Variants in TCP11 observed in about 807,000 individuals in gnomAD.
The protein encoded by TCP11 is T-complex protein 11 homolog.
Under a neutral mutation model 45.0 loss-of-function variants are expected in TCP11, and 34 were observed. That is an observed-to-expected ratio of 0.76 (90% CI 0.57 to 1.01). TCP11 has a LOEUF of 1.01. Among genes scored for constraint, TCP11 ranks in the 50% least tolerant of loss-of-function variants. The probability of loss-of-function intolerance (pLI) is 0.00; values close to 1 mark genes in which losing one functional copy is unlikely to be tolerated. For missense variants in TCP11, 523 were observed against 598.1 expected (o/e 0.87, Z 1.31); for synonymous variants, 227 against 227.0 (o/e 1.00, Z 0.00).
intron 2 of TCP11, 73 bp from the exon 3 acceptor site, chr6:35,136,291 G>A (rs1017188284): frequency 3.5e-6 from 4 of 1,158,144 alleles, no homozygotes; most frequent in Admixed American, 4.2e-5. Context: ...CAATCTAGTA[G>A]GCCCCAAATT....
chr6:35,140,326 C>T (rs1781582249), intron 2 of TCP11: 1 of 857,368 alleles, frequency 1.2e-6, no homozygotes, highest in African/African-American at 1.7e-5. Flanking sequence ...AAAGAACACC[C>T]ACTACAGAAC....
intron 4 of TCP11, among the ~76,000 whole-genome samples, chr6:35,127,583 T>C (rs1006591000): frequency 1.3e-5 from 2 of 152,252 alleles, no homozygotes; most frequent in African/African-American, 4.8e-5. Flanking sequence ...ATTATATGTA[T>C]GTTTATTTAT....
At chr6:35,140,556 T>C (rs1484372327) in intron 2 of TCP11, 191 bp downstream of exon 2, 1 of 677,072 alleles carries the variant, frequency 1.5e-6, no homozygotes, top group East Asian at 2.9e-5. Flanking sequence ...GTCACTTCTT[T>C]CTCTAGAACC....
At position 35,141,199 on chromosome 6, in the gene TCP11, CG is replaced by C; in HGVS notation, c.-15+5del. On this transcript the variant is annotated splice_donor_5th_base_variant and intron_variant, in intron 1 of 9. Coordinates refer to ENST00000311875, the MANE Select transcript of TCP11 (RefSeq NM_001370687.1). Reference sequence around the variant, plus strand: ...CCAGGCCCGCCTCCGGCTCCCAGGCCGTCACCTCCTCCTCCCCCGCCGCGGG... The same window carrying C: ...CCAGGCCCGCCTCCGGCTCCCAGGCCTCACCTCCTCCTCCCCCGCCGCGGG... 7.1e-7 allele frequency: 1 copy of C among 1,403,570 alleles called. No individual in the cohort carries two copies. The highest frequency in any genetic ancestry group is 9.2e-7 in the Non-Finnish European group (1 of 1,081,288). 86.9% of individuals were successfully genotyped at this position (1,403,570 alleles called of 1,614,324 possible).
At chr6:35,139,060 T>G (rs1019394103) in intron 2 of TCP11, among the ~76,000 whole-genome samples, 1 of 151,992 alleles carries the variant, frequency 6.6e-6, no homozygotes, top group Non-Finnish European at 1.5e-5. Flanking sequence ...TGGTGGCACA[T>G]GCTTATAATC....
Position 35,118,494 on chromosome 6 carries a change from C to G in TCP11, c.1287G>C (p.Arg429=), listed in dbSNP as rs1458234762. Residue 429 remains arginine (R), a synonymous_variant, in exon 10 of 10, where the codon CGG becomes CGC. Transcript: ENST00000311875. ...AACAGCATTTGAGAAACAAATGGATCCGCTGATCTGTGAGCAGGAAAAGAC... is the reference window on the plus strand; with the variant it reads ...AACAGCATTTGAGAAACAAATGGATGCGCTGATCTGTGAGCAGGAAAAGAC... ...ENCVCSVIDQ[R]IHLFLKCCLV... 1.2e-6 allele frequency: 2 copies of G among 1,613,446 alleles called. No individual in the cohort carries two copies. The highest frequency in any genetic ancestry group is 4.5e-5 in the East Asian group (2 of 44,872).
At chr6:35,121,166 A>C in intron 5 of TCP11, 121 bp from the exon 6 acceptor site, 1 of 1,215,534 alleles carries the variant, frequency 8.2e-7, no homozygotes. Context: ...TACCTCCTAC[A>C]TTTTCAGAAG....
intron 3 of TCP11, among the ~76,000 whole-genome samples, chr6:35,133,337 T>C (rs953822038): frequency 1.3e-5 from 2 of 151,990 alleles, no homozygotes; most frequent in African/African-American, 2.4e-5. Flanking sequence ...CCACCACATT[T>C]TGCTAATTAA....
intron 4 of TCP11, among the ~76,000 whole-genome samples, chr6:35,125,364 T>A (rs1025806963): frequency 6.6e-6 from 1 of 152,162 alleles, no homozygotes; most frequent in Non-Finnish European, 1.5e-5. Context: ...ACAAAGTACC[T>A]GAGTAAACAT....
intron 2 of TCP11, among the ~76,000 whole-genome samples, chr6:35,139,202 A>T (rs1251231612): frequency 7.3e-5 from 7 of 96,170 alleles, no homozygotes; most frequent in African/African-American, 1.6e-4. Flanking sequence ...GCTAGTTTAT[A>T]AAAAAAAAAA....
At chr6:35,121,374 T>C (rs1420916278) in intron 5 of TCP11, among the ~76,000 whole-genome samples, 1 of 151,594 alleles carries the variant, frequency 6.6e-6, no homozygotes, top group Non-Finnish European at 1.5e-5. Flanking sequence ...TTATAGGTGA[T>C]GCTATTTCTG....
chr6:35,141,077 C>T, intron 1 of TCP11, 128 bp downstream of exon 1: 1 of 1,233,986 alleles, frequency 8.1e-7, no homozygotes, highest in East Asian at 3.2e-5. Context: ...TGGGCGGCAA[C>T]GAGGAAACTA....
chr6:35,128,983 T>C, intron 4 of TCP11, 79 bp downstream of exon 4: 3 of 1,559,870 alleles, frequency 1.9e-6, no homozygotes, highest in Non-Finnish European at 2.6e-6. Flanking sequence ...CATGTTCAGT[T>C]AAGATTTGCT....
In TCP11 at chr6:35,118,339, T is replaced by C. The variant is rs1225352357; in HGVS notation, c.1442A>G (p.Tyr481Cys). 3.1e-6 allele frequency: 5 copies of C among 1,614,000 alleles called. No individual in the cohort carries two copies. Among genetic ancestry groups the C allele is most frequent in the Non-Finnish European group, 4.2e-6 (5 of 1,180,018 alleles). Residue 481 changes from tyrosine to cysteine, a missense_variant, in exon 10 of 10, where the codon TAC (tyrosine) becomes TGC (cysteine). Tyr to Cys is a radical substitution (Grantham distance 194, BLOSUM62 -2). Transcript: ENST00000311875. ...THHNQQVFGPYYTEILKTLIS... is the reference protein window; with the variant it reads ...THHNQQVFGPCYTEILKTLIS... ...GAGGGTTTTTAGGATCTCAGTGTAG[T>C]AGGGACCAAACACCTGCTGATTGTG...
rs572750025 is a variant in TCP11, at chr6:35,125,589, A to G, written c.358-3252T>C. On this transcript the variant is annotated intron_variant, in intron 4 of 9. Coordinates refer to ENST00000311875, the MANE Select transcript of TCP11 (RefSeq NM_001370687.1). Reference sequence around the variant, plus strand: ...GAATATAAAATGGTGTGGCTACAACAGAAAACAGTTTGGCAGTTCCTCAAA... The same window carrying G: ...GAATATAAAATGGTGTGGCTACAACGGAAAACAGTTTGGCAGTTCCTCAAA... Among the ~76,000 whole-genome samples the G allele has an allele frequency of 2.6e-5, 4 of 152,374 alleles. No homozygotes were observed. In the South Asian group the frequency reaches 6.2e-4, roughly 24 times the overall value.
intron 3 of TCP11, among the ~76,000 whole-genome samples, chr6:35,129,672 C>A (rs1233958005): frequency 6.6e-6 from 1 of 152,160 alleles, no homozygotes; most frequent in Non-Finnish European, 1.5e-5. Flanking sequence ...ACCTGCTCCT[C>A]TTGTATTCCC....
rs886203960 is a variant in TCP11 at position 35,120,005 on chromosome 6, T to C, written c.1115+154A>G. ...AAGGTTTTTTTTTGTTACACCCTCA[T>C]GACCACTTATGGAAAGAAACCAACA... is the stretch of plus-strand genomic sequence containing the variant. On this transcript the variant is annotated intron_variant, in intron 8 of 9. Coordinates refer to ENST00000311875, the MANE Select transcript of TCP11 (RefSeq NM_001370687.1). This position sits in a 1 kb window ranked among gnomAD's most constrained non-coding sequence, Gnocchi z 4.9. Among the ~76,000 whole-genome samples, 3 of 152,330 alleles carry C rather than the reference T, an allele frequency of 2.0e-5. No homozygotes were observed. Among genetic ancestry groups the C allele is most frequent in the Middle Eastern group, 3.4e-3 (1 of 294 alleles).
At chr6:35,122,413 T>G in intron 4 of TCP11, 76 bp from the exon 5 acceptor site, 2 of 1,325,330 alleles carry the variant, frequency 1.5e-6, no homozygotes, top group Non-Finnish European at 2.1e-6. Context: ...TCCCTTTAGC[T>G]AAAGACATAC....
intron 4 of TCP11, among the ~76,000 whole-genome samples, chr6:35,125,228 C>A (rs1022151402): frequency 6.7e-6 from 1 of 148,752 alleles, no homozygotes; most frequent in Admixed American, 6.7e-5. Flanking sequence ...AGGACCTAAA[C>A]ATAAGAGCTA....
Sources: allele counts gnomAD v4.1 joint callset (sites outside exome capture counted in the v4.1 genomes callset), GRCh38; gene constraint gnomAD v4.1.1; non-coding constraint Gnocchi (gnomAD v3.1); transcripts MANE v1.5; gene names NCBI Gene and HGNC (gene_info 2026-07-23, HGNC 2026-07-21).